The following ITGA11 variants were observed in gnomAD, a reference collection of about 807,000 sequenced individuals.
ITGA11 encodes the protein integrin alpha-11.
ITGA11 carries 97 observed loss-of-function variants against 141.9 expected under a neutral mutation model. The observed-to-expected ratio is 0.68, with a 90% CI of 0.58 to 0.81. ITGA11 has a LOEUF of 0.81. ITGA11 is among the 30% of genes least tolerant of loss of function. The pLI, the probability that ITGA11 is intolerant of heterozygous loss-of-function variation, is 0.00. For missense variants in ITGA11, 1,387 were observed against 1,559.2 expected, an observed-to-expected ratio of 0.89 and a Z score of 1.86; for synonymous variants, 658 against 624.6, an observed-to-expected ratio of 1.05 and a Z score of -0.80.
At position 68,339,511 on chromosome 15, in the gene ITGA11, C is replaced by G. The variant is rs200755473; in HGVS notation, c.1265G>C (p.Gly422Ala). ...KEFPEELKNH[G>A]AYLGYTVTSV... ...CTCTGCGCTCTTACCCAGGTATGCA[C>G]CATGGTTCTTGAGCTCCTCGGGGAA... The change falls in exon 11 of 30, where the codon GGT (glycine) becomes GCT (alanine). Residue 422 changes from glycine (G) to alanine (A), a missense_variant. By Grantham distance (60) the Gly-to-Ala change is moderately conservative. Transcript: ENST00000315757. 1.3e-5 allele frequency: 21 copies of G among 1,613,190 alleles called. No homozygotes were observed. The Admixed American group carries it at 3.5e-4, about 27-fold the overall frequency.
rs376113453 is a variant in ITGA11 at position 68,312,800 on chromosome 15, G to A, written c.2946C>T (p.Ile982=). 3.2e-5 allele frequency: 51 copies of A among 1,613,580 alleles called. No homozygotes were observed. Among genetic ancestry groups the A allele is most frequent in the East Asian group, 4.5e-5 (2 of 44,858 alleles). The stretch of plus-strand genomic sequence containing the variant: ...TGAAGATGCAGCTGAAGGGAGGCCC[G>A]ATACCATCGTATCTCTCCAGCGAGC... ...PNSSLERYDG[I]GPPFSCIFRI... The change falls in exon 24 of 30, where the codon ATC becomes ATT. Residue 982 remains isoleucine, a synonymous_variant. Coordinates refer to ENST00000315757, the MANE Select transcript of ITGA11 (RefSeq NM_001004439.2).
chr15:68,331,633 GT>G (rs1251895551), intron 14 of ITGA11, among the ~76,000 whole-genome samples: 2 of 151,876 alleles, frequency 1.3e-5, no homozygotes, highest in East Asian at 3.9e-4. Flanking sequence ...GAGGATGAGG[GT>G]AAGCAGGGAG....
chr15:68,428,855 T>TAAAC (rs1202562739), intron 1 of ITGA11, among the ~76,000 whole-genome samples: 1 of 152,132 alleles, frequency 6.6e-6, no homozygotes, highest in Non-Finnish European at 1.5e-5. Flanking sequence ...GCCCCGATGG[T>TAAAC]AAACAAACAA....
At chr15:68,329,217 G>T (rs1048130447) in intron 15 of ITGA11, among the ~76,000 whole-genome samples, 1 of 152,206 alleles carries the variant, frequency 6.6e-6, no homozygotes, top group African/African-American at 2.4e-5. Flanking sequence ...GAGGATCAGA[G>T]GAGGTGAGAA....
chr15:68,360,390 T>G lies in ITGA11; in HGVS notation c.472+1200A>C, dbSNP rs1895201696. ...CTTTCTTACAATTTCACATTTTTCT[T>G]TCTAAGATACCTTGGGAACAAACTG... On this transcript the variant is annotated intron_variant, in intron 5 of 29. Coordinates refer to ENST00000315757, the MANE Select transcript of ITGA11 (RefSeq NM_001004439.2). Among the ~76,000 whole-genome samples, 3 of 152,336 alleles carry G rather than the reference T, an allele frequency of 2.0e-5. No homozygotes were observed. In the South Asian group the frequency reaches 6.2e-4, roughly 32 times the overall value.
chr15:68,320,663 C>T (rs1375678724), intron 19 of ITGA11, among the ~76,000 whole-genome samples: 1 of 152,218 alleles, frequency 6.6e-6, no homozygotes, highest in African/African-American at 2.4e-5. Context: ...CCTCACCACT[C>T]ACGCATCACC....
In ITGA11 at chr15:68,312,843, T is replaced by C. The variant is rs753174019; in HGVS notation, c.2903A>G (p.Tyr968Cys). 1.2e-6 allele frequency: 2 copies of C among 1,613,420 alleles called. No homozygotes were observed. Among genetic ancestry groups the C allele is most frequent in the East Asian group, 2.2e-5 (1 of 44,858 alleles). ...LFTRSSSLSH[Y>C]EVKPNSSLER... ...CAGCGAGCTGTTGGGCTTGACCTCG[T>C]AGTGGCTCAGGCTGCTGCTCCTGCG... The change falls in exon 24 of 30, where the codon TAC (tyrosine) becomes TGC (cysteine). Residue 968 changes from tyrosine to cysteine, a missense_variant. Coordinates refer to ENST00000315757, the MANE Select transcript of ITGA11 (RefSeq NM_001004439.2).
chr15:68,367,308 C>T (rs1336875839), intron 3 of ITGA11, among the ~76,000 whole-genome samples: 1 of 152,112 alleles, frequency 6.6e-6, no homozygotes, highest in African/African-American at 2.4e-5. Context: ...GTGGCTGAAG[C>T]CCTGAGAAGA....
chr15:68,416,646 C>T (rs1205109269), intron 1 of ITGA11, among the ~76,000 whole-genome samples: 2 of 152,208 alleles, frequency 1.3e-5, no homozygotes, highest in Admixed American at 6.5e-5. Flanking sequence ...AGGGTCATGG[C>T]TGGGTGCGGT....
At chr15:68,405,534 C>T (rs1896629557) in intron 1 of ITGA11, among the ~76,000 whole-genome samples, 1 of 152,114 alleles carries the variant, frequency 6.6e-6, no homozygotes, top group Admixed American at 6.6e-5. Context: ...AGTATATGAA[C>T]CCGTTAGTGC....
rs1379238055 is a variant in ITGA11 at position 68,349,018 on chromosome 15, C to A, written c.1061-118G>T. ...GGGCATCGTCAGGAGGTGGGGCTCT[C>A]TTTCGAGGGGGGGCTCTGAAGCTGA... On this transcript the variant is annotated intron_variant, in intron 9 of 29. Coordinates refer to ENST00000315757, the MANE Select transcript of ITGA11 (RefSeq NM_001004439.2). 7.9e-6 allele frequency: 6 copies of A among 757,776 alleles called. No individual in the cohort carries two copies. The African/African-American group carries it at 2.8e-4, about 35-fold the overall frequency. The allele number at this position is 757,776 out of a possible 1,614,324, so 46.9% of individuals were successfully genotyped here.
intron 10 of ITGA11, among the ~76,000 whole-genome samples, chr15:68,347,293 C>G (rs1303438984): frequency 6.6e-6 from 1 of 152,200 alleles, no homozygotes; most frequent in African/African-American, 2.4e-5. Flanking sequence ...TGGCATCAGG[C>G]TCAGGACCCA....
chr15:68,320,530 G>C, intron 19 of ITGA11, 138 bp from the exon 20 acceptor site: 3 of 648,610 alleles, frequency 4.6e-6, no homozygotes, highest in Non-Finnish European at 8.0e-6. Context: ...ACTGGGAGGA[G>C]AGTGGAAATG....
intron 2 of ITGA11, among the ~76,000 whole-genome samples, chr15:68,372,904 A>C (rs540681500): frequency 3.5e-4 from 54 of 152,328 alleles, no homozygotes; most frequent in Admixed American, 1.5e-3. Context: ...TGTAAGAAAA[A>C]AGATGATATG....
At chr15:68,402,550 A>G (rs1028250367) in intron 2 of ITGA11, among the ~76,000 whole-genome samples, 24 of 151,832 alleles carry the variant, frequency 1.6e-4, no homozygotes, top group African/African-American at 5.3e-4. Context: ...GGTTTCAGCT[A>G]GAGAGCACAC....
intron 2 of ITGA11, among the ~76,000 whole-genome samples, chr15:68,377,287 T>A (rs534119484): frequency 6.6e-6 from 1 of 152,292 alleles, no homozygotes; most frequent in African/African-American, 2.4e-5. Flanking sequence ...GTTTTGTTTT[T>A]TTGAGACAGA....
chr15:68,408,584 T>A (rs1197970695), intron 1 of ITGA11, among the ~76,000 whole-genome samples: 2 of 152,142 alleles, frequency 1.3e-5, no homozygotes, highest in East Asian at 1.9e-4. Flanking sequence ...TGCAAGCAGA[T>A]GCCATGGTTG....
Position 68,308,691 on chromosome 15 carries a change from C to T in ITGA11, c.3175-995G>A, listed in dbSNP as rs1016036050. On this transcript the variant is annotated intron_variant, in intron 26 of 29. Coordinates refer to ENST00000315757, the MANE Select transcript of ITGA11 (RefSeq NM_001004439.2). This position sits in a 1 kb window ranked among gnomAD's most constrained non-coding sequence, Gnocchi z 5.2. ...CCGGGAGGCGGAGGTCGCAGTGAGC[C>T]GAGATCGTGCCACTGCACTCCAGCT... Among the ~76,000 whole-genome samples, 2 of 151,746 alleles carry T rather than the reference C, an allele frequency of 1.3e-5. No individual in the cohort carries two copies. Among genetic ancestry groups the T allele is most frequent in the African/African-American group, 2.4e-5 (1 of 41,260 alleles).
At chr15:68,319,508 G>A (rs1893717727) in intron 20 of ITGA11, among the ~76,000 whole-genome samples, 1 of 152,238 alleles carries the variant, frequency 6.6e-6, no homozygotes. Context: ...ACAGTTAGAG[G>A]AGAAGTGGCA....
Sources: allele counts gnomAD v4.1 joint callset (sites outside exome capture counted in the v4.1 genomes callset), GRCh38; gene constraint gnomAD v4.1.1; non-coding constraint Gnocchi (gnomAD v3.1); transcripts MANE v1.5; gene names NCBI Gene and HGNC (gene_info 2026-07-23, HGNC 2026-07-21).